The following ABCA1 variants were observed in gnomAD, a reference collection of about 807,000 sequenced individuals.
ABCA1 encodes phospholipid-transporting ATPase ABCA1.
ABCA1 carries 133 observed loss-of-function variants against 262.5 expected under a neutral mutation model. That is an observed-to-expected ratio of 0.51 (90% confidence interval 0.44 to 0.59). The LOEUF is 0.59. ABCA1 is among the 20% of genes least tolerant of loss of function. The pLI is 0.00. For synonymous variants in ABCA1, 1,022 were observed against 1,043.5 expected (o/e 0.98, Z 0.40); for missense variants, 2,452 against 2,777.5 (o/e 0.88, Z 2.63).
In ABCA1 at chr9:104,832,832, A is replaced by T. The variant is rs1833464385; in HGVS notation, c.1312-61T>A. The T allele has an allele frequency of 3.3e-6, 5 of 1,493,092 alleles. No homozygotes were observed. In the African/African-American group the frequency reaches 6.9e-5, roughly 21 times the overall value. The allele number at this position is 1,493,092 out of a possible 1,614,324, so 92.5% of individuals were successfully genotyped here. On this transcript the variant is annotated intron_variant, in intron 11 of 49. Coordinates refer to ENST00000374736, the MANE Select transcript of ABCA1 (RefSeq NM_005502.4). ...CCAACTAAATCTTGAGGAGCACTAC[A>T]AAATTTACAAAATACTTGCATATAC...
At chr9:104,848,435 C>T (rs547894132) in intron 7 of ABCA1, among the ~76,000 whole-genome samples, 3 of 151,946 alleles carry the variant, frequency 2.0e-5, no homozygotes, top group East Asian at 3.9e-4. Context: ...GCCAACACGG[C>T]GAAACCCCCT....
intron 49 of ABCA1, among the ~76,000 whole-genome samples, chr9:104,784,992 C>T (rs76237581): frequency 0.011 from 1,601 of 152,218 alleles, 22 homozygotes; most frequent in Non-Finnish European, 0.013. Flanking sequence ...ACCAACTGCT[C>T]AGTCATCCAT....
chr9:104,903,617 T>G lies in ABCA1; in HGVS notation c.63A>C (p.Gln21His). ...LWKNLTFRRRQTCQLLLEVAW... is the reference protein window; with the variant it reads ...LWKNLTFRRRHTCQLLLEVAW... ...CTGCTGAAAAACCCAAGCTTACTGT[T>G]TGTCTTCTTCTGAAAGTGAGGTTCT... is the stretch of plus-strand genomic sequence containing the variant. The change falls in exon 2 of 50, where the codon CAA (glutamine) becomes CAC (histidine). Residue 21 changes from glutamine (Q) to histidine (H), a missense_variant. Physicochemically the swap from Gln to His is conservative, Grantham distance 24. Around this residue, in one of 4 missense-constraint regions of ABCA1, gnomAD observed 1,032 missense variants for 1,089.7 expected, o/e 0.95. Coordinates refer to ENST00000374736, the MANE Select transcript of ABCA1 (RefSeq NM_005502.4). 4.4e-6 allele frequency: 7 copies of G among 1,586,772 alleles called. No homozygotes were observed. The highest frequency in any genetic ancestry group is 5.1e-6 in the Non-Finnish European group (6 of 1,165,744).
In ABCA1 at chr9:104,782,958, A is replaced by T. The variant is rs1828635608; in HGVS notation, c.*1357T>A. 1 of 152,606 alleles carries T rather than the reference A, an allele frequency of 6.6e-6. No individual in the cohort carries two copies. The highest frequency in any genetic ancestry group is 2.4e-5 in the African/African-American group (1 of 41,442). The allele number at this position is 152,606 out of a possible 1,614,324, so 9.5% of individuals were successfully genotyped here. A position where few individuals can be genotyped will look rare whatever the true frequency, so the allele number is the denominator to read the frequency against. ...CTGAATAACATGGCACAGGAAGTGT[A>T]CTGAGACTTAATATCTCTCTAGTCT... On this transcript the variant is annotated 3_prime_UTR_variant, in exon 50 of 50. Coordinates refer to ENST00000374736, the MANE Select transcript of ABCA1 (RefSeq NM_005502.4).
chr9:104,814,530 AC>A (rs1196405902), intron 25 of ABCA1, 55 bp from the exon 26 acceptor site: 1 of 1,498,782 alleles, frequency 6.7e-7, no homozygotes, highest in Non-Finnish European at 9.3e-7. Flanking sequence ...GAGAGTAGTC[AC>A]CACTGCCACG....
Position 104,785,526 on chromosome 9 carries a change from T to TG in ABCA1, c.6514dup (p.His2172ProfsTer43). The TG allele has an allele frequency of 1.2e-6, 2 of 1,613,662 alleles. No individual in the cohort carries two copies. Among genetic ancestry groups the TG allele is most frequent in the Non-Finnish European group, 1.7e-6 (2 of 1,179,754 alleles). ...AAGCTGGTATTGTAGCATGTTCCGG[T>TG]GTTTCTCTTTTAGAACACTTCCAGG... On this transcript the variant is annotated frameshift_variant, in exon 49 of 50. Transcript: ENST00000374736. LOFTEE classifies it high-confidence loss of function.
chr9:104,842,165 G>T (rs1453201795), intron 8 of ABCA1, among the ~76,000 whole-genome samples: 1 of 152,186 alleles, frequency 6.6e-6, no homozygotes, highest in African/African-American at 2.4e-5. Flanking sequence ...CCAGAGGTGG[G>T]TCAGAGGCCA....
chr9:104,831,143 ATAC>A (rs2119004550), intron 13 of ABCA1, 42 bp from the exon 14 acceptor site: 2 of 1,388,196 alleles, frequency 1.4e-6, no homozygotes, highest in African/African-American at 2.0e-5. Flanking sequence ...CTTTAGAACC[ATAC>A]AATAAAAAAA....
rs137854501 is a variant in ABCA1, at chr9:104,786,940, G to A, written c.6241C>T (p.Arg2081Trp). Residue 2081 changes from arginine to tryptophan, a missense_variant, in exon 47 of 50, where the codon CGG becomes TGG. Arg to Trp is a moderately radical substitution (Grantham distance 101, BLOSUM62 -3). Coordinates refer to ENST00000374736, the MANE Select transcript of ABCA1 (RefSeq NM_005502.4). ...CTTAGGGCACAATTCCACAAGAACC[G>A]CCGGGCTTTGGGATCCATGCCTGTG... ...PTTGMDPKARRFLWNCALSVV... is the reference protein window; with the variant it reads ...PTTGMDPKARWFLWNCALSVV... 10 of 1,613,842 alleles carry A rather than the reference G, an allele frequency of 6.2e-6. No homozygotes were observed. Among genetic ancestry groups the A allele is most frequent in the African/African-American group, 1.3e-5 (1 of 74,886 alleles).
At chr9:104,820,798 G>A (rs1048353817) in intron 20 of ABCA1, among the ~76,000 whole-genome samples, 1 of 152,140 alleles carries the variant, frequency 6.6e-6, no homozygotes, top group Non-Finnish European at 1.5e-5. Context: ...CCTCCAGCAT[G>A]ACAATAATGG....
At chr9:104,877,766 A>G (rs149566092) in intron 5 of ABCA1, among the ~76,000 whole-genome samples, 17 of 152,372 alleles carry the variant, frequency 1.1e-4, no homozygotes, top group African/African-American at 3.8e-4. Flanking sequence ...ACACATGCCC[A>G]AAGTTCACAC....
chr9:104,903,684 C>T lies in ABCA1; in HGVS notation c.-5G>A, dbSNP rs367822240. The T allele has an allele frequency of 1.0e-4, 159 of 1,577,224 alleles. No homozygotes were observed. Among genetic ancestry groups the T allele is most frequent in the Non-Finnish European group, 1.2e-4 (143 of 1,160,798 alleles). ...CAGCTGAGGCCAACAAGCCATGTTC[C>T]CTCAGCCAGCACCCCCAGCGTGTGG... On this transcript the variant is annotated 5_prime_UTR_variant, in exon 2 of 50. Transcript: ENST00000374736.
intron 7 of ABCA1, among the ~76,000 whole-genome samples, chr9:104,847,838 G>A (rs1438820440): frequency 6.6e-6 from 1 of 152,190 alleles, no homozygotes; most frequent in African/African-American, 2.4e-5. Context: ...CTAAGTGGAT[G>A]AAATATACAT....
At chr9:104,842,083 T>C (rs1834426383) in intron 8 of ABCA1, among the ~76,000 whole-genome samples, 1 of 152,178 alleles carries the variant, frequency 6.6e-6, no homozygotes, top group Non-Finnish European at 1.5e-5. Context: ...TGCTGGTTCC[T>C]GTGAGTGGCG....
chr9:104,917,299 A>AAG (rs1841902802), intron 1 of ABCA1, among the ~76,000 whole-genome samples: 1 of 152,228 alleles, frequency 6.6e-6, no homozygotes, highest in Non-Finnish European at 1.5e-5. Flanking sequence ...AGGCAAGCTC[A>AAG]GTATTTCCCC....
At chr9:104,901,389 T>A (rs1840656766) in intron 2 of ABCA1, among the ~76,000 whole-genome samples, 1 of 152,046 alleles carries the variant, frequency 6.6e-6, no homozygotes, top group Admixed American at 6.6e-5. Context: ...CAGACTAGAC[T>A]ACCCCAGAGC....
At chr9:104,897,229 G>C (rs527706082) in intron 2 of ABCA1, among the ~76,000 whole-genome samples, 3 of 152,024 alleles carry the variant, frequency 2.0e-5, no homozygotes, top group Non-Finnish European at 4.4e-5. Context: ...ATGCTAGAGA[G>C]GGGAAATGAT....
rs1832456456 is a variant in ABCA1 at position 104,822,535 on chromosome 9, G to A, written c.2789C>T (p.Ser930Phe). Reference protein sequence around the residue: ...ALNFYEGQITSFLGHNGAGKT... With the variant: ...ALNFYEGQITFFLGHNGAGKT... ...CCCCGCTCCATTGTGGCCCAGGAAG[G>A]AGGTGATCTGGCCCTCATAAAAATT... Residue 930 changes from serine (S) to phenylalanine (F), a missense_variant, in exon 19 of 50, where the codon TCC becomes TTC. By Grantham distance (155) the Ser-to-Phe change is radical. Coordinates refer to ENST00000374736, the MANE Select transcript of ABCA1 (RefSeq NM_005502.4). The A allele has an allele frequency of 1.9e-6, 3 of 1,613,890 alleles. No individual in the cohort carries two copies. The highest frequency in any genetic ancestry group is 1.3e-5 in the African/African-American group (1 of 74,886).
At chr9:104,835,002 A>C (rs1833683929) in intron 11 of ABCA1, among the ~76,000 whole-genome samples, 1 of 152,068 alleles carries the variant, frequency 6.6e-6, no homozygotes, top group Admixed American at 6.5e-5. Flanking sequence ...TAATCCCAAC[A>C]CTTTGGGAGG....
Sources: allele counts gnomAD v4.1 joint callset (sites outside exome capture counted in the v4.1 genomes callset), GRCh38; gene constraint gnomAD v4.1.1; regional missense constraint gnomAD v4.1.1; transcripts MANE v1.5; gene names NCBI Gene and HGNC (gene_info 2026-07-23, HGNC 2026-07-21).